Variants in MB21D2 observed in about 807,000 individuals in gnomAD.
MB21D2 encodes the protein Mab-21 domain containing 2, also known as nucleotidyltransferase MB21D2.
In MB21D2, 9 loss-of-function variants were observed where a neutral mutation model predicts 33.3. The observed-to-expected ratio is 0.27, with a 90% CI of 0.16 to 0.47. The LOEUF (loss-of-function observed/expected upper bound fraction) is 0.47. Among genes scored for constraint, MB21D2 ranks in the 20% least tolerant of loss-of-function variants. The pLI, the probability that MB21D2 is intolerant of heterozygous loss-of-function variation, is 0.99. For synonymous variants in MB21D2, 241 were observed against 236.3 expected (o/e 1.02, Z -0.18); for missense variants, 540 against 624.6 (o/e 0.86, Z 1.44).
At chr3:192,876,105 C>G (rs1436999755) in intron 1 of MB21D2, among the ~76,000 whole-genome samples, 1 of 152,158 alleles carries the variant, frequency 6.6e-6, no homozygotes, top group African/African-American at 2.4e-5. Context: ...TGCTCACTAC[C>G]TCTAGTGTTA....
In MB21D2 at chr3:192,900,446, T is replaced by G. The variant is rs1269726744; in HGVS notation, c.211+17184A>C. Among the ~76,000 whole-genome samples, 7 of 152,090 alleles carry G rather than the reference T, an allele frequency of 4.6e-5. No homozygotes were observed. In the East Asian group the frequency reaches 1.3e-3, roughly 29 times the overall value. ...ATGAAAGCCAAGGGAGGAAAGCATTTAAAAGGGACAAGAATGGTCAACAGG... is the reference window on the plus strand; with the variant it reads ...ATGAAAGCCAAGGGAGGAAAGCATTGAAAAGGGACAAGAATGGTCAACAGG... On this transcript the variant is annotated intron_variant, in intron 1 of 1. Transcript: ENST00000392452.
chr3:192,840,900 A>G (rs2108625268), intron 1 of MB21D2, among the ~76,000 whole-genome samples: 1 of 152,348 alleles, frequency 6.6e-6, no homozygotes, highest in East Asian at 1.9e-4. Context: ...AATTAACACC[A>G]AAGCTTATAG....
At chr3:192,828,631 T>TTTTGAG (rs1712240683) in intron 1 of MB21D2, among the ~76,000 whole-genome samples, 1 of 38,424 alleles carries the variant, frequency 2.6e-5, no homozygotes, top group Non-Finnish European at 4.4e-5. Context: ...TATATATATA[T>TTTTGAG]ATATATATAT....
chr3:192,900,216 G>A (rs983782978), intron 1 of MB21D2, among the ~76,000 whole-genome samples: 5 of 150,140 alleles, frequency 3.3e-5, no homozygotes, highest in Admixed American at 2.0e-4. Flanking sequence ...CCCGGGAGGC[G>A]GAGCTTGCAG....
chr3:192,837,450 C>A (rs1353662865), intron 1 of MB21D2, among the ~76,000 whole-genome samples: 1 of 152,178 alleles, frequency 6.6e-6, no homozygotes, highest in Admixed American at 6.5e-5. Flanking sequence ...AAGCACAAGA[C>A]GCAGCTCAAG....
chr3:192,878,081 C>CTTTTTTTTTTTTTTTTTTTTTTTTT (rs11294126), intron 1 of MB21D2, among the ~76,000 whole-genome samples: 1 of 119,532 alleles, frequency 8.4e-6, no homozygotes, highest in African/African-American at 3.2e-5. Context: ...AATTCCTCCT[C>CTTTTTTTTTTTTTTTTTTTTTTTTT]TTTTTTTTTT....
intron 1 of MB21D2, among the ~76,000 whole-genome samples, chr3:192,845,560 T>TA (rs1712663612): frequency 6.6e-6 from 1 of 152,232 alleles, no homozygotes; most frequent in Admixed American, 6.5e-5. Context: ...CTCTGCTCCT[T>TA]AGCCCATAAT....
At chr3:192,812,083 T>C (rs1367783090) in intron 1 of MB21D2, among the ~76,000 whole-genome samples, 3 of 152,196 alleles carry the variant, frequency 2.0e-5, no homozygotes, top group Non-Finnish European at 2.9e-5. Flanking sequence ...AGTCTCACTC[T>C]GTTGCTCAGG....
At chr3:192,870,155 CCT>C (rs1224055564) in intron 1 of MB21D2, among the ~76,000 whole-genome samples, 1 of 131,908 alleles carries the variant, frequency 7.6e-6, no homozygotes, top group Non-Finnish European at 1.6e-5. Context: ...CAGGACTGCC[CCT>C]CTGTCTTTCC....
chr3:192,842,941 T>A (rs1712606158), intron 1 of MB21D2, among the ~76,000 whole-genome samples: 1 of 152,138 alleles, frequency 6.6e-6, no homozygotes, highest in Non-Finnish European at 1.5e-5. Flanking sequence ...CTAACAGAAG[T>A]CTTAAGAGAC....
At chr3:192,860,208 C>T (rs1417917844) in intron 1 of MB21D2, among the ~76,000 whole-genome samples, 1 of 152,212 alleles carries the variant, frequency 6.6e-6, no homozygotes, top group East Asian at 1.9e-4. Flanking sequence ...TCACTCTTGG[C>T]TACGTGCTGA....
chr3:192,884,619 G>A (rs544336057), intron 1 of MB21D2, among the ~76,000 whole-genome samples: 8 of 152,076 alleles, frequency 5.3e-5, no homozygotes, highest in Admixed American at 1.3e-4. Flanking sequence ...TGCCCGCCTT[G>A]GCCTCCCAAA....
chr3:192,866,039 T>C (rs923418005), intron 1 of MB21D2, among the ~76,000 whole-genome samples: 2 of 150,254 alleles, frequency 1.3e-5, no homozygotes, highest in Non-Finnish European at 2.9e-5. Context: ...CAGAGGAAGA[T>C]CCTGTCTAAA....
At chr3:192,917,568 T>G in intron 1 of MB21D2, 62 bp downstream of exon 1, 1 of 1,576,234 alleles carries the variant, frequency 6.3e-7, no homozygotes. Context: ...GCAATGGGTT[T>G]TCTACTCCGC....
intron 1 of MB21D2, among the ~76,000 whole-genome samples, chr3:192,886,688 G>A (rs922189439): frequency 6.6e-6 from 1 of 152,038 alleles, no homozygotes; most frequent in Non-Finnish European, 1.5e-5. Context: ...AATAAATGGT[G>A]TCATGTACTA....
chr3:192,897,938 G>A (rs941173460), intron 1 of MB21D2, among the ~76,000 whole-genome samples: 1 of 150,570 alleles, frequency 6.6e-6, no homozygotes, highest in African/African-American at 2.5e-5. Context: ...CAGCCTGGGT[G>A]ACAGAGCAAG....
chr3:192,917,805 G>A lies in MB21D2; in HGVS notation c.36C>T (p.Ala12=), dbSNP rs551948445. ...KMAAPTANKA[A]SLGCNNKPAF... is the part of the protein sequence containing the mutation. ...CAGGCTTGTTGTTACAGCCCAGGGAGGCTGCCTTGTTGGCGGTGGGAGCCG... is the reference window on the plus strand; with the variant it reads ...CAGGCTTGTTGTTACAGCCCAGGGAAGCTGCCTTGTTGGCGGTGGGAGCCG... Residue 12 remains alanine (A), a synonymous_variant, in exon 1 of 2, where the codon GCC becomes GCT. Transcript: ENST00000392452. 67 of 1,612,092 alleles carry A rather than the reference G, an allele frequency of 4.2e-5. No individual in the cohort carries two copies. The South Asian group carries it at 6.4e-4, about 15-fold the overall frequency.
At chr3:192,802,043 T>A (rs1336601794) in intron 1 of MB21D2, among the ~76,000 whole-genome samples, 1 of 152,226 alleles carries the variant, frequency 6.6e-6, no homozygotes, top group Admixed American at 6.5e-5. Context: ...TGCACTGTGA[T>A]ACGGCATCCA....
chr3:192,864,160 A>C (rs1713111537), intron 1 of MB21D2, among the ~76,000 whole-genome samples: 1 of 152,184 alleles, frequency 6.6e-6, no homozygotes, highest in African/African-American at 2.4e-5. Flanking sequence ...TAGATCTTTA[A>C]AAAGTAGGTG....
Sources: allele counts gnomAD v4.1 joint callset (sites outside exome capture counted in the v4.1 genomes callset), GRCh38; gene constraint gnomAD v4.1.1; transcripts MANE v1.5; gene names NCBI Gene and HGNC (gene_info 2026-07-23, HGNC 2026-07-21).